BANK1: variants seen among roughly 807,000 people sequenced by gnomAD.
BANK1 encodes B cell scaffold protein with ankyrin repeats 1.
BANK1 carries 95 observed loss-of-function variants against 94.5 expected under a neutral mutation model. The observed-to-expected ratio is 1.00, with a 90% CI of 0.85 to 1.19. The LOEUF is 1.19. Among genes scored for constraint, BANK1 ranks in the 50% most tolerant of loss-of-function variants. BANK1 has a pLI of 0.00. For synonymous variants in BANK1, 334 were observed against 308.4 expected, an observed-to-expected ratio of 1.08 and a Z score of -0.87; for missense variants, 987 against 932.2, an observed-to-expected ratio of 1.06 and a Z score of -0.77.
chr4:102,015,059 C>G (rs1324537463), intron 7 of BANK1, among the ~76,000 whole-genome samples: 4 of 151,984 alleles, frequency 2.6e-5, no homozygotes, highest in Non-Finnish European at 5.9e-5. Flanking sequence ...TATCTTCTCA[C>G]CATCCAACTT....
chr4:101,991,818 C>A (rs138302667), intron 7 of BANK1, among the ~76,000 whole-genome samples: 33 of 152,298 alleles, frequency 2.2e-4, no homozygotes, highest in Admixed American at 6.5e-4. Flanking sequence ...TGTACACATA[C>A]GTGTGTATTT....
At chr4:102,011,749 A>G (rs898381558) in intron 7 of BANK1, among the ~76,000 whole-genome samples, 3 of 152,080 alleles carry the variant, frequency 2.0e-5, no homozygotes, top group Non-Finnish European at 2.9e-5. Context: ...ATACACTGCA[A>G]ATTTATATTT....
intron 1 of BANK1, among the ~76,000 whole-genome samples, chr4:101,792,838 A>G (rs1016230299): frequency 6.6e-6 from 1 of 152,170 alleles, no homozygotes; most frequent in African/African-American, 2.4e-5. Flanking sequence ...AAGCAAGAAA[A>G]ATAGAATACC....
Position 102,072,349 on chromosome 4 carries a change from G to A in BANK1, c.2247G>A (p.Lys749=), listed in dbSNP as rs1397062520. The A allele has an allele frequency of 3.8e-6, 6 of 1,590,126 alleles. No homozygotes were observed. The highest frequency in any genetic ancestry group is 5.2e-6 in the Non-Finnish European group (6 of 1,159,626). Reference sequence around the variant, plus strand: ...TAACTGAGTTTGTATTTCTAGGTAAGGAAACTGCCCACAATGAAAATAAGT... The same window carrying A: ...TAACTGAGTTTGTATTTCTAGGTAAAGAAACTGCCCACAATGAAAATAAGT... ...KLTIVHHPGG[K]ETAHNENKFY... The change falls in exon 15 of 17, where the codon AAG becomes AAA. Residue 749 remains lysine (K), a synonymous_variant. Transcript: ENST00000322953.
chr4:101,858,231 A>C (rs988243224), intron 3 of BANK1, among the ~76,000 whole-genome samples: 9 of 152,332 alleles, frequency 5.9e-5, no homozygotes, highest in African/African-American at 2.2e-4. Flanking sequence ...CAAAGCTTGC[A>C]GAGATTTTTG....
intron 7 of BANK1, among the ~76,000 whole-genome samples, chr4:101,940,382 G>A (rs1723702624): frequency 6.6e-6 from 1 of 151,490 alleles, no homozygotes; most frequent in Non-Finnish European, 1.5e-5. Flanking sequence ...TGTTTTTTCT[G>A]TTGTTAACAT....
chr4:101,948,398 GT>G (rs1165176099), intron 7 of BANK1, among the ~76,000 whole-genome samples: 1 of 152,020 alleles, frequency 6.6e-6, no homozygotes, highest in Non-Finnish European at 1.5e-5. Flanking sequence ...CATGTAACAG[GT>G]TGCAAAATTT....
intron 5 of BANK1, among the ~76,000 whole-genome samples, chr4:101,888,540 C>T (rs562104284): frequency 2.0e-5 from 3 of 152,194 alleles, no homozygotes; most frequent in East Asian, 1.9e-4. Context: ...CTTCTCTCCA[C>T]GATTAGAATG....
At chr4:101,862,325 T>C (rs1316623969) in intron 3 of BANK1, among the ~76,000 whole-genome samples, 5 of 152,040 alleles carry the variant, frequency 3.3e-5, no homozygotes, top group Non-Finnish European at 7.4e-5. Context: ...GAGCGTACAA[T>C]AAAAAGAAAT....
At chr4:101,902,193 A>G (rs1722310625) in intron 6 of BANK1, among the ~76,000 whole-genome samples, 1 of 152,214 alleles carries the variant, frequency 6.6e-6, no homozygotes, top group African/African-American at 2.4e-5. Context: ...ACTTTTGACA[A>G]TAACAGAAAT....
chr4:101,872,541 C>T (rs1728330901), intron 5 of BANK1, among the ~76,000 whole-genome samples: 1 of 152,166 alleles, frequency 6.6e-6, no homozygotes, highest in African/African-American at 2.4e-5. Context: ...CTTTCTACCC[C>T]TGAGGAAGCA....
chr4:101,946,235 T>C (rs1723925581), intron 7 of BANK1, among the ~76,000 whole-genome samples: 1 of 151,948 alleles, frequency 6.6e-6, no homozygotes, highest in Non-Finnish European at 1.5e-5. Flanking sequence ...GATGAGATAA[T>C]ATTTAAAAAG....
intron 7 of BANK1, among the ~76,000 whole-genome samples, chr4:102,021,273 T>G (rs1726888292): frequency 6.6e-6 from 1 of 152,132 alleles, no homozygotes; most frequent in African/African-American, 2.4e-5. Context: ...CTTTGCATCT[T>G]AAAGCTATTT....
intron 1 of BANK1, among the ~76,000 whole-genome samples, chr4:101,819,960 G>C (rs1338157306): frequency 6.6e-6 from 1 of 152,110 alleles, no homozygotes; most frequent in Non-Finnish European, 1.5e-5. Flanking sequence ...AGGAGAAGGA[G>C]ATTCCAAGAG....
Position 101,957,986 on chromosome 4 carries a change from A to T in BANK1, c.1206+39797A>T, listed in dbSNP as rs201989378. Among the ~76,000 whole-genome samples the T allele has an allele frequency of 2.4e-4, 37 of 151,718 alleles. No individual in the cohort carries two copies. In the East Asian group the frequency reaches 6.6e-3, roughly 27 times the overall value. On this transcript the variant is annotated intron_variant, in intron 7 of 16. Transcript: ENST00000322953. Reference sequence around the variant, plus strand: ...CAGCCTCCCGAGTAGCTGGGACTATAGGTGCCTGCCACCACGTCTGGCTAA... The same window carrying T: ...CAGCCTCCCGAGTAGCTGGGACTATTGGTGCCTGCCACCACGTCTGGCTAA...
At chr4:101,843,664 C>A (rs537649988) in intron 2 of BANK1, among the ~76,000 whole-genome samples, 17 of 152,072 alleles carry the variant, frequency 1.1e-4, no homozygotes, top group Non-Finnish European at 2.5e-4. Context: ...TGCCTGTAAT[C>A]CCAGCACTTT....
At position 101,830,242 on chromosome 4, in the gene BANK1, TTG is replaced by T. The variant is rs773541311; in HGVS notation, c.469+38_469+39del. ...CAAACCTTGTTTGTTTTATTTTTAT[TTG>T]TTTTTTTTTTTTTGTAATTAAAGAA... On this transcript the variant is annotated intron_variant, in intron 2 of 16. Coordinates refer to ENST00000322953, the MANE Select transcript of BANK1 (RefSeq NM_017935.5). 7.3e-5 allele frequency: 99 copies of T among 1,364,418 alleles called. No individual in the cohort carries two copies. The East Asian group carries it at 2.4e-3, about 32-fold the overall frequency. The allele number at this position is 1,364,418 out of a possible 1,614,324, so 84.5% of individuals were successfully genotyped here.
chr4:101,929,772 T>C (rs1459663550), intron 7 of BANK1, among the ~76,000 whole-genome samples: 2 of 151,428 alleles, frequency 1.3e-5, no homozygotes, highest in African/African-American at 4.8e-5. Flanking sequence ...TTATATTGTA[T>C]TAATAGTTTG....
intron 10 of BANK1, among the ~76,000 whole-genome samples, chr4:102,034,480 G>A (rs1727433011): frequency 6.6e-6 from 1 of 152,056 alleles, no homozygotes; most frequent in East Asian, 1.9e-4. Context: ...CACAATACTT[G>A]ACATGTGGTA....
Sources: gnomAD v4.1 joint callset for allele counts (sites outside exome capture counted in the v4.1 genomes callset) on GRCh38, gnomAD v4.1.1 for gene constraint, MANE v1.5 for transcripts, NCBI Gene and HGNC (gene_info 2026-07-23, HGNC 2026-07-21) for gene names.